Variants in KIAA1217 observed in about 807,000 individuals in gnomAD.
The protein encoded by KIAA1217 is KIAA1217, also known as sickle tail protein homolog.
A neutral mutation model predicts 163.9 loss-of-function variants in KIAA1217; 88 were observed. The observed-to-expected ratio is 0.54, with a 90% CI of 0.45 to 0.64. KIAA1217 has a LOEUF of 0.64. Ranked by LOEUF, KIAA1217 falls within the 30% of genes least tolerant of loss-of-function variation. The pLI is 0.00. For missense variants in KIAA1217, 2,372 were observed against 2,475.0 expected, an observed-to-expected ratio of 0.96 and a Z score of 0.88; for synonymous variants, 903 against 923.1, an observed-to-expected ratio of 0.98 and a Z score of 0.39.
intron 1 of KIAA1217, among the ~76,000 whole-genome samples, chr10:24,000,819 C>G (rs1846706534): frequency 6.6e-6 from 1 of 152,238 alleles, no homozygotes; most frequent in South Asian, 2.1e-4. Context: ...CACCCCAGGT[C>G]GAGCACTGCT....
At chr10:23,740,128 G>A (rs768075394) in intron 1 of KIAA1217, among the ~76,000 whole-genome samples, 1 of 152,062 alleles carries the variant, frequency 6.6e-6, no homozygotes, top group African/African-American at 2.4e-5. Flanking sequence ...TCAGGGGAGA[G>A]GTCAGGCTGG....
At chr10:24,365,735 CT>C (rs2134352058) in intron 2 of KIAA1217, among the ~76,000 whole-genome samples, 1 of 152,152 alleles carries the variant, frequency 6.6e-6, no homozygotes, top group Non-Finnish European at 1.5e-5. Context: ...CTATGTGCAT[CT>C]TGGGTAGAAT....
At chr10:24,059,901 T>C (rs1376614267) in intron 2 of KIAA1217, among the ~76,000 whole-genome samples, 1 of 152,142 alleles carries the variant, frequency 6.6e-6, no homozygotes, top group South Asian at 2.1e-4. Flanking sequence ...CACCCAGTCT[T>C]GGTAAGCTGT....
chr10:23,794,620 G>A (rs1424214426), intron 1 of KIAA1217, among the ~76,000 whole-genome samples: 2 of 152,176 alleles, frequency 1.3e-5, no homozygotes, highest in Non-Finnish European at 2.9e-5. Flanking sequence ...CTTTCATCCT[G>A]TCAGATTTCA....
At chr10:23,735,255 A>G (rs1380015260) in intron 1 of KIAA1217, among the ~76,000 whole-genome samples, 1 of 151,238 alleles carries the variant, frequency 6.6e-6, no homozygotes, top group Non-Finnish European at 1.5e-5. Flanking sequence ...TTATTTTGAG[A>G]TGGAGTCTAG....
intron 14 of KIAA1217, among the ~76,000 whole-genome samples, chr10:24,528,335 T>G (rs2072554125): frequency 6.7e-6 from 1 of 148,994 alleles, no homozygotes; most frequent in East Asian, 1.9e-4. Flanking sequence ...TTTTTTTTTG[T>G]TTTTGAAATG....
chr10:23,814,174 G>A (rs545218598), intron 1 of KIAA1217, among the ~76,000 whole-genome samples: 22 of 152,286 alleles, frequency 1.4e-4, no homozygotes, highest in African/African-American at 5.1e-4. Context: ...GCAGGGCAGG[G>A]AGGGGGATGC....
At chr10:24,540,035 A>G (rs1165732880) in intron 17 of KIAA1217, among the ~76,000 whole-genome samples, 2 of 152,184 alleles carry the variant, frequency 1.3e-5, no homozygotes, top group Non-Finnish European at 2.9e-5. Flanking sequence ...CTAAGAAATC[A>G]CTGTGAGTTT....
At chr10:24,112,870 G>T (rs938699026) in intron 2 of KIAA1217, among the ~76,000 whole-genome samples, 1 of 152,110 alleles carries the variant, frequency 6.6e-6, no homozygotes, top group African/African-American at 2.4e-5. Context: ...ACAGGCGTGA[G>T]CCACCACGCC....
chr10:24,282,318 C>G (rs2078040196), intron 2 of KIAA1217, among the ~76,000 whole-genome samples: 1 of 152,106 alleles, frequency 6.6e-6, no homozygotes, highest in Admixed American at 6.6e-5. Context: ...TAAGGTCACA[C>G]ACACCCCCAC....
At chr10:24,224,346 T>A (rs2070150038) in intron 2 of KIAA1217, among the ~76,000 whole-genome samples, 1 of 152,086 alleles carries the variant, frequency 6.6e-6, no homozygotes, top group Non-Finnish European at 1.5e-5. Context: ...TTTCTTTCTT[T>A]TTTTTTTGAG....
In KIAA1217 at chr10:23,921,108, G is replaced by A. The variant is rs114135370; in HGVS notation, c.-320-86117G>A. Among the ~76,000 whole-genome samples, 335 of 152,216 alleles carry A rather than the reference G, an allele frequency of 2.2e-3. 1 individual carries two copies. The highest frequency in any genetic ancestry group is 7.4e-3 in the African/African-American group (308 of 41,530). ...GTTTCTTCATTGCAGTGTGAAAATG[G>A]ACTAATACACAGCTTATATTAAACT... On this transcript the variant is annotated intron_variant, in intron 1 of 18. Transcript: ENST00000376462.
chr10:24,223,711 CT>C (rs535787368), intron 2 of KIAA1217, among the ~76,000 whole-genome samples: 6,604 of 128,426 alleles, frequency 0.051, 325 homozygotes, highest in African/African-American at 0.17. Flanking sequence ...AATCTAGGTT[CT>C]TTTTTTTTTT....
At position 24,524,359 on chromosome 10, in the gene KIAA1217, A is replaced by G. The variant is rs143401236; in HGVS notation, c.2493A>G (p.Ala831=). ...VTDGLLKGTD[A]AQAAQYMAME... is the part of the protein sequence containing the mutation. ...ATGGGCTCCTGAAAGGCACGGACGC[A>G]GCCCAAGCCGCACAGTACATGGCTA... is the stretch of plus-strand genomic sequence containing the variant. Residue 831 remains alanine, a synonymous_variant, in exon 13 of 21, where the codon GCA becomes GCG. Coordinates refer to ENST00000376454, the MANE Select transcript of KIAA1217 (RefSeq NM_019590.5). 1.2e-6 allele frequency: 2 copies of G among 1,612,840 alleles called. No homozygotes were observed. The highest frequency in any genetic ancestry group is 1.7e-6 in the Non-Finnish European group (2 of 1,178,910).
chr10:23,928,189 C>A (rs544347697), intron 1 of KIAA1217, among the ~76,000 whole-genome samples: 71 of 152,180 alleles, frequency 4.7e-4, no homozygotes, highest in Non-Finnish European at 7.8e-4. Context: ...TCTGGCAGCT[C>A]CTTCGAGCAG....
intron 2 of KIAA1217, among the ~76,000 whole-genome samples, chr10:24,321,350 C>A (rs947359319): frequency 3.3e-5 from 5 of 151,964 alleles, no homozygotes; most frequent in East Asian, 1.9e-4. Flanking sequence ...ACCAGCCTGA[C>A]CAACATACCA....
chr10:24,328,117 G>C (rs576178315), intron 2 of KIAA1217, among the ~76,000 whole-genome samples: 1 of 152,300 alleles, frequency 6.6e-6, no homozygotes, highest in East Asian at 1.9e-4. Flanking sequence ...CTAACAGGAA[G>C]CCAATCACTG....
chr10:23,819,168 T>C (rs939517019), intron 1 of KIAA1217, among the ~76,000 whole-genome samples: 63 of 152,328 alleles, frequency 4.1e-4, no homozygotes, highest in Non-Finnish European at 1.0e-4. Context: ...TCCTTCTTTC[T>C]TGGGAGCAGA....
chr10:24,327,593 C>T (rs1428780324), intron 2 of KIAA1217, among the ~76,000 whole-genome samples: 8 of 152,048 alleles, frequency 5.3e-5, no homozygotes, highest in African/African-American at 1.7e-4. Flanking sequence ...TGGGTTGAAG[C>T]GATCCTCCCA....
Sources: gnomAD v4.1 joint callset for allele counts (sites outside exome capture counted in the v4.1 genomes callset) on GRCh38, gnomAD v4.1.1 for gene constraint, MANE v1.5 for transcripts, NCBI Gene and HGNC (gene_info 2026-07-23, HGNC 2026-07-21) for gene names.